The following SEPHS1 variants were observed in gnomAD, a reference collection of about 807,000 sequenced individuals.
The protein encoded by SEPHS1 is selenophosphate synthetase 1, also known as zincore component SEPHS1.
Under a neutral mutation model 39.2 loss-of-function variants are expected in SEPHS1, and 7 were observed. That is an observed-to-expected ratio of 0.18 (90% CI 0.10 to 0.34). The LOEUF (loss-of-function observed/expected upper bound fraction) is 0.34, where lower values mean the gene tolerates loss of function less well. Ranked by LOEUF, SEPHS1 falls within the 10% of genes least tolerant of loss-of-function variation. The probability of loss-of-function intolerance (pLI) is 1.00; values close to 1 mark genes in which losing one functional copy is unlikely to be tolerated. For missense variants in SEPHS1, 253 were observed against 514.5 expected (o/e 0.49, Z 4.92); for synonymous variants, 190 against 195.5 (o/e 0.97, Z 0.23).
chr10:13,339,701 A>C (rs1439125389), intron 2 of SEPHS1, among the ~76,000 whole-genome samples: 3 of 152,158 alleles, frequency 2.0e-5, no homozygotes, highest in Non-Finnish European at 2.9e-5. Context: ...GAAATGTCCC[A>C]ATATTTGCAT....
chr10:13,339,160 T>C (rs3781087), intron 2 of SEPHS1, among the ~76,000 whole-genome samples: 62,417 of 152,114 alleles, frequency 0.41, 14,493 homozygotes, highest in East Asian at 0.69. Flanking sequence ...TCTTTGAAGA[T>C]GAGAATCCTA....
chr10:13,323,223 CTT>C (rs1257338694), intron 7 of SEPHS1, among the ~76,000 whole-genome samples, 176 bp from the exon 8 acceptor site: 2 of 152,264 alleles, frequency 1.3e-5, no homozygotes, highest in East Asian at 1.9e-4. Context: ...TCTTATTTCA[CTT>C]TGAGCCACCT....
rs982939342 is a variant in SEPHS1, at chr10:13,338,639, C to G, written c.297+66G>C. On this transcript the variant is annotated intron_variant, in intron 3 of 8. Transcript: ENST00000327347. ...AAACCCCACAGATACATACAAAACC[C>G]CAGCCACAACCCAAACCAAACAAAT... 70 of 1,299,618 alleles carry G rather than the reference C, an allele frequency of 5.4e-5. No individual in the cohort carries two copies. The East Asian group carries it at 8.1e-4, about 15-fold the overall frequency. 80.5% of individuals were successfully genotyped at this position (1,299,618 alleles called of 1,614,324 possible).
intron 2 of SEPHS1, among the ~76,000 whole-genome samples, chr10:13,343,017 G>C (rs1429420151): frequency 6.6e-6 from 1 of 152,092 alleles, no homozygotes; most frequent in African/African-American, 2.4e-5. Flanking sequence ...TTACAGGTGT[G>C]AGCCACCGCA....
At position 13,348,019 on chromosome 10, in the gene SEPHS1, C is replaced by T. The variant is rs2130711270; in HGVS notation, c.-98G>A. ...GCTTACCGGCTCGCTTTGCGCCCTCCGCCTCCTCCCGAAAACGGGCCGCGG... is the reference window on the plus strand; with the variant it reads ...GCTTACCGGCTCGCTTTGCGCCCTCTGCCTCCTCCCGAAAACGGGCCGCGG... On this transcript the variant is annotated 5_prime_UTR_variant, in exon 1 of 9. Transcript: ENST00000327347. The T allele has an allele frequency of 6.7e-6, 1 of 149,152 alleles. No homozygotes were observed. The highest frequency in any genetic ancestry group is 2.1e-4 in the South Asian group (1 of 4,788). 9.2% of individuals were successfully genotyped at this position (149,152 alleles called of 1,614,324 possible). A position where few individuals can be genotyped will look rare whatever the true frequency, so the allele number is the denominator to read the frequency against.
chr10:13,346,352 A>G (rs995478949), intron 1 of SEPHS1, among the ~76,000 whole-genome samples: 20 of 152,222 alleles, frequency 1.3e-4, no homozygotes, highest in South Asian at 6.2e-4. Context: ...GATTAAGAAC[A>G]TAATTCCCAT....
rs765405455 is a variant in SEPHS1 at position 13,338,804 on chromosome 10, A to C, written c.198T>G (p.Ile66Met). Residue 66 changes from isoleucine to methionine, a missense_variant, in exon 3 of 9, where the codon ATT (isoleucine) becomes ATG (methionine). By Grantham distance (10) the Ile-to-Met change is conservative (BLOSUM62 1). Around this residue, in one of 4 missense-constraint regions of SEPHS1, gnomAD observed 123 missense variants for 196.8 expected, o/e 0.62. Coordinates refer to ENST00000327347, the MANE Select transcript of SEPHS1 (RefSeq NM_012247.5). ...AAGGAATGACACAAGTATCCATTCC[A>C]ATGCCTGTGGAGATGGAAGTCATTA... ...FLGAVMPRLGIGMDTCVIPLR... is the reference protein window; with the variant it reads ...FLGAVMPRLGMGMDTCVIPLR... The C allele has an allele frequency of 6.2e-7, 1 of 1,611,208 alleles. No individual in the cohort carries two copies. Among genetic ancestry groups the C allele is most frequent in the Non-Finnish European group, 8.5e-7 (1 of 1,177,276 alleles).
chr10:13,342,585 C>G (rs1468466587), intron 2 of SEPHS1, among the ~76,000 whole-genome samples: 1 of 151,958 alleles, frequency 6.6e-6, no homozygotes, highest in East Asian at 1.9e-4. Context: ...GACTTCATCT[C>G]AACAACAACA....
chr10:13,331,720 A>G (rs952477925), intron 5 of SEPHS1, among the ~76,000 whole-genome samples: 6 of 152,228 alleles, frequency 3.9e-5, no homozygotes, highest in Admixed American at 3.9e-4. Flanking sequence ...TCAAACATGG[A>G]AAGTGACAAC....
intron 7 of SEPHS1, 74 bp from the exon 8 acceptor site, chr10:13,323,121 C>A (rs1008871004): frequency 1.2e-5 from 14 of 1,152,948 alleles, no homozygotes; most frequent in Admixed American, 1.1e-4. Flanking sequence ...CACAATTAAT[C>A]TGCAACTTCC....
At chr10:13,320,253 C>T (rs1374888478) in intron 8 of SEPHS1, among the ~76,000 whole-genome samples, 1 of 150,594 alleles carries the variant, frequency 6.6e-6, no homozygotes, top group Non-Finnish European at 1.5e-5. Context: ...GTGATCTCGG[C>T]TCACTGCAAG....
chr10:13,335,616 C>T (rs1158211052), intron 4 of SEPHS1, among the ~76,000 whole-genome samples: 2 of 144,468 alleles, frequency 1.4e-5, no homozygotes, highest in African/African-American at 2.6e-5. Flanking sequence ...GTGAGCTGAG[C>T]TTGTGCCACT....
chr10:13,339,879 C>G (rs139160598), intron 2 of SEPHS1, among the ~76,000 whole-genome samples: 2 of 152,244 alleles, frequency 1.3e-5, no homozygotes, highest in African/African-American at 4.8e-5. Flanking sequence ...CCACTTCTTT[C>G]CCTGCATATT....
chr10:13,323,612 C>T (rs374347732), intron 7 of SEPHS1, among the ~76,000 whole-genome samples: 4 of 152,096 alleles, frequency 2.6e-5, no homozygotes, highest in East Asian at 3.9e-4. Flanking sequence ...CCTGGCCTCC[C>T]AAAGTGCTGG....
chr10:13,321,433 A>G (rs1416978509), intron 8 of SEPHS1, among the ~76,000 whole-genome samples: 2 of 151,994 alleles, frequency 1.3e-5, no homozygotes, highest in Non-Finnish European at 2.9e-5. Flanking sequence ...TTTTTAGTAG[A>G]GACAGGGTTT....
chr10:13,337,716 A>G (rs1407459275), intron 3 of SEPHS1, among the ~76,000 whole-genome samples: 1 of 152,180 alleles, frequency 6.6e-6, no homozygotes, highest in Non-Finnish European at 1.5e-5. Flanking sequence ...GATGCTGGAA[A>G]ACAATGGACT....
chr10:13,343,185 C>T lies in SEPHS1; in HGVS notation c.193+1573G>A, dbSNP rs116982722. Among the ~76,000 whole-genome samples the T allele has an allele frequency of 2.9e-3, 442 of 152,244 alleles. 1 individual carries two copies. Among genetic ancestry groups the T allele is most frequent in the Non-Finnish European group, 5.1e-3 (348 of 68,024 alleles). On this transcript the variant is annotated intron_variant, in intron 2 of 8. Coordinates refer to ENST00000327347, the MANE Select transcript of SEPHS1 (RefSeq NM_012247.5). ...ACTTTATGCCGTAATGTTTTAATTT[C>T]ATTGGTTTTTGAGCATTAAGTATTA... is the stretch of plus-strand genomic sequence containing the variant.
intron 7 of SEPHS1, 148 bp from the exon 8 acceptor site, chr10:13,323,195 T>G (rs537384193): frequency 2.9e-6 from 2 of 686,554 alleles, no homozygotes; most frequent in African/African-American, 1.8e-5. Context: ...ACCAAAGACA[T>G]AGTGAAATTC....
At chr10:13,319,468 G>A (rs1165453252) in intron 8 of SEPHS1, 112 bp from the exon 9 acceptor site, 4 of 1,058,414 alleles carry the variant, frequency 3.8e-6, no homozygotes, top group Non-Finnish European at 2.9e-6. Context: ...CCACCTATAT[G>A]CAAGTAGCTC....
Sources: allele counts gnomAD v4.1 joint callset (sites outside exome capture counted in the v4.1 genomes callset), GRCh38; gene constraint gnomAD v4.1.1; regional missense constraint gnomAD v4.1.1; transcripts MANE v1.5; gene names NCBI Gene and HGNC (gene_info 2026-07-23, HGNC 2026-07-21).